SDCCAG8: variants seen among roughly 807,000 people sequenced by gnomAD.
SDCCAG8 encodes SHH signaling and ciliogenesis regulator SDCCAG8.
SDCCAG8 carries 74 observed loss-of-function variants against 101.8 expected under a neutral mutation model. That is an observed-to-expected ratio of 0.73 (90% CI 0.60 to 0.88). The LOEUF is 0.88. Ranked by LOEUF, SDCCAG8 falls within the 40% of genes least tolerant of loss-of-function variation. The pLI is 0.00. For synonymous variants in SDCCAG8, 281 were observed against 292.9 expected (o/e 0.96, Z 0.41); for missense variants, 787 against 822.6 (o/e 0.96, Z 0.53).
chr1:243,469,929 A>C (rs946387076), intron 16 of SDCCAG8, among the ~76,000 whole-genome samples: 10 of 151,000 alleles, frequency 6.6e-5, no homozygotes, highest in African/African-American at 2.5e-4. Flanking sequence ...TGGCAAGTAA[A>C]GGGGTACTTC....
intron 10 of SDCCAG8, among the ~76,000 whole-genome samples, chr1:243,337,138 G>A (rs2147767834): frequency 6.6e-6 from 1 of 152,180 alleles, no homozygotes; most frequent in East Asian, 1.9e-4. Flanking sequence ...TTTATAGTTT[G>A]ATATCTTACA....
intron 10 of SDCCAG8, among the ~76,000 whole-genome samples, chr1:243,337,362 A>T (rs2783964): frequency 0.47 from 71,504 of 151,988 alleles, 18,661 homozygotes; most frequent in East Asian, 0.74. Context: ...TACAATACAT[A>T]TCTGAGCTAG....
chr1:243,317,199 C>T (rs1157506080), intron 9 of SDCCAG8, among the ~76,000 whole-genome samples: 2 of 152,042 alleles, frequency 1.3e-5, no homozygotes, highest in Non-Finnish European at 2.9e-5. Context: ...ATCTTAACAC[C>T]CAGGCATTAG....
At chr1:243,413,110 C>T (rs959039569) in intron 13 of SDCCAG8, among the ~76,000 whole-genome samples, 6 of 152,154 alleles carry the variant, frequency 3.9e-5, no homozygotes, top group African/African-American at 1.4e-4. Flanking sequence ...ATGTGTAACT[C>T]AACATTTGTT....
chr1:243,296,492 GC>G (rs763453480), intron 6 of SDCCAG8, among the ~76,000 whole-genome samples: 78 of 141,644 alleles, frequency 5.5e-4, no homozygotes, highest in Non-Finnish European at 1.0e-3. Flanking sequence ...GCTTCAGTAT[GC>G]TTCAGTTGAG....
At chr1:243,418,700 C>T (rs2080776499) in intron 15 of SDCCAG8, among the ~76,000 whole-genome samples, 1 of 152,190 alleles carries the variant, frequency 6.6e-6, no homozygotes, top group African/African-American at 2.4e-5. Context: ...ATATTCTAAA[C>T]TGCAAGAAGC....
At chr1:243,431,003 C>A (rs113081936) in intron 16 of SDCCAG8, among the ~76,000 whole-genome samples, 1 of 151,534 alleles carries the variant, frequency 6.6e-6, no homozygotes, top group Non-Finnish European at 1.5e-5. Context: ...TCGAGACCAG[C>A]CTGGCCAACA....
chr1:243,356,422 G>GT (rs978984019), intron 12 of SDCCAG8, among the ~76,000 whole-genome samples: 5 of 150,726 alleles, frequency 3.3e-5, no homozygotes, highest in South Asian at 2.1e-4. Context: ...AGTAGTGGCG[G>GT]GGGGGTGGTG....
At position 243,474,132 on chromosome 1, in the gene SDCCAG8, A is replaced by C. The variant is rs1436818484; in HGVS notation, c.1986-14882A>C. Among the ~76,000 whole-genome samples the C allele has an allele frequency of 6.6e-6, 1 of 152,100 alleles. No homozygotes were observed. The highest frequency in any genetic ancestry group is 1.5e-5 in the Non-Finnish European group (1 of 68,016). ...CTGACAAACAATGATTCATTGGTTT[A>C]CAAATAAGGAATTAAAAGGTAAGAA... On this transcript the variant is annotated intron_variant, in intron 16 of 17. Transcript: ENST00000366541. The surrounding 1 kb of genome is among the most constrained non-coding windows in gnomAD (Gnocchi z 4.7).
At chr1:243,496,411 C>A (rs545755376) in intron 17 of SDCCAG8, among the ~76,000 whole-genome samples, 76 of 152,334 alleles carry the variant, frequency 5.0e-4, no homozygotes, top group African/African-American at 1.8e-3. Flanking sequence ...CTTTGAAATG[C>A]CCCAGATGGA....
intron 12 of SDCCAG8, among the ~76,000 whole-genome samples, chr1:243,354,287 A>T (rs927793863): frequency 6.6e-6 from 1 of 152,212 alleles, no homozygotes; most frequent in Non-Finnish European, 1.5e-5. Flanking sequence ...AATTGCATGG[A>T]GCCTCAAGTT....
chr1:243,373,401 T>C (rs2077417256), intron 12 of SDCCAG8, among the ~76,000 whole-genome samples: 2 of 152,122 alleles, frequency 1.3e-5, no homozygotes, highest in Non-Finnish European at 2.9e-5. Flanking sequence ...AATTTTATAT[T>C]GACAAAACTC....
In SDCCAG8 at chr1:243,416,290, TAATGA is replaced by T. The variant is rs1204972737; in HGVS notation, c.1744+462_1744+466del. Among the ~76,000 whole-genome samples, 1 of 152,214 alleles carries T rather than the reference TAATGA, an allele frequency of 6.6e-6. No homozygotes were observed. Among genetic ancestry groups the T allele is most frequent in the African/African-American group, 2.4e-5 (1 of 41,454 alleles). On this transcript the variant is annotated intron_variant, in intron 14 of 17. Transcript: ENST00000366541. The surrounding 1 kb of genome is among the most constrained non-coding windows in gnomAD (Gnocchi z 4.3). Reference sequence around the variant, plus strand: ...ACACATTATAGCTACTCTAAAAGCCTAATGAGTTTGCTTCAGCATCCAAACTGGAG... The same window carrying T: ...ACACATTATAGCTACTCTAAAAGCCTGTTTGCTTCAGCATCCAAACTGGAG...
At chr1:243,271,650 C>G (rs2068093468) in intron 3 of SDCCAG8, among the ~76,000 whole-genome samples, 1 of 152,056 alleles carries the variant, frequency 6.6e-6, no homozygotes, top group South Asian at 2.1e-4. Flanking sequence ...TCAAGCGATT[C>G]TCCTGCCTCA....
At chr1:243,355,314 TTCTC>T (rs10579765) in intron 12 of SDCCAG8, among the ~76,000 whole-genome samples, 4,480 of 146,662 alleles carry the variant, frequency 0.031, 140 homozygotes, top group African/African-American at 0.084. Flanking sequence ...TCCTGATACC[TTCTC>T]TCTCTCTCTC....
At chr1:243,257,595 G>GT (rs1203188011) in intron 1 of SDCCAG8, among the ~76,000 whole-genome samples, 1 of 152,134 alleles carries the variant, frequency 6.6e-6, no homozygotes, top group Non-Finnish European at 1.5e-5. Context: ...CAAAGTGAAG[G>GT]TTTTTCAATA....
rs2076187464 is a variant in SDCCAG8 at position 243,353,306 on chromosome 1, CG to C, written c.1473+8976del. 2.0e-5 allele frequency among the ~76,000 whole-genome samples: 3 copies of C among 151,474 alleles called. No homozygotes were observed. The East Asian group carries it at 5.9e-4, about 30-fold the overall frequency. On this transcript the variant is annotated intron_variant, in intron 12 of 17. Transcript: ENST00000366541. ...AGGAGTTCGAGGCCAGCCTGGCCAA[CG>C]TGGTAAAACCGTGCATCTACTAAAA...
intron 16 of SDCCAG8, among the ~76,000 whole-genome samples, chr1:243,463,833 G>A (rs67312095): frequency 0.091 from 13,862 of 152,016 alleles, 850 homozygotes; most frequent in Non-Finnish European, 0.14. Flanking sequence ...TAATGAGACC[G>A]TTCTGCCAGT....
At chr1:243,468,824 T>C (rs1452110636) in intron 16 of SDCCAG8, among the ~76,000 whole-genome samples, 2 of 152,254 alleles carry the variant, frequency 1.3e-5, no homozygotes, top group Admixed American at 6.5e-5. Flanking sequence ...ATTCATTAGA[T>C]AGAAGAAATA....
Sources: allele counts gnomAD v4.1 joint callset (sites outside exome capture counted in the v4.1 genomes callset), GRCh38; gene constraint gnomAD v4.1.1; non-coding constraint Gnocchi (gnomAD v3.1); transcripts MANE v1.5; gene names NCBI Gene and HGNC (gene_info 2026-07-23, HGNC 2026-07-21).